The following SPTLC2 variants were observed in gnomAD, a reference collection of about 807,000 sequenced individuals.
SPTLC2 encodes serine palmitoyltransferase long chain base subunit 2.
In SPTLC2, 21 loss-of-function variants were observed where a neutral mutation model predicts 62.0. The ratio of observed to expected loss-of-function variants is 0.34; its 90% CI spans 0.24 to 0.49. The LOEUF is 0.49. SPTLC2 is among the 20% of genes least tolerant of loss of function. The pLI, the probability that SPTLC2 is intolerant of heterozygous loss-of-function variation, is 0.99. For missense variants in SPTLC2, 511 were observed against 713.0 expected, an observed-to-expected ratio of 0.72 and a Z score of 3.23; for synonymous variants, 261 against 261.8, an observed-to-expected ratio of 1.00 and a Z score of 0.03.
intron 9 of SPTLC2, among the ~76,000 whole-genome samples, chr14:77,540,939 C>T (rs1054126966): frequency 1.3e-5 from 2 of 152,112 alleles, no homozygotes; most frequent in Non-Finnish European, 2.9e-5. Context: ...TTCACAGAAC[C>T]AAAAATATGT....
intron 5 of SPTLC2, among the ~76,000 whole-genome samples, chr14:77,564,396 T>TACAC (rs1342293459): frequency 8.4e-6 from 1 of 118,802 alleles, no homozygotes; most frequent in Admixed American, 9.9e-5. Flanking sequence ...TCTTTATGCA[T>TACAC]GCATACACAC....
In SPTLC2 at chr14:77,614,382, C is replaced by T. The variant is rs571825170; in HGVS notation, c.132+2066G>A. ...CCTTTTTCATTTTAAAAAATCATAC[C>T]GGCCAGGTGCAGTGGCTCACACCCG... On this transcript the variant is annotated intron_variant, in intron 1 of 11. Transcript: ENST00000216484. Among the ~76,000 whole-genome samples the T allele has an allele frequency of 5.3e-5, 8 of 151,002 alleles. No individual in the cohort carries two copies. In the East Asian group the frequency reaches 9.7e-4, roughly 18 times the overall value.
At chr14:77,525,738 G>A (rs548188350) in intron 9 of SPTLC2, among the ~76,000 whole-genome samples, 196 of 152,046 alleles carry the variant, frequency 1.3e-3, no homozygotes, top group African/African-American at 4.4e-3. Context: ...GTGAAACCCC[G>A]TCTCTACTAA....
At chr14:77,547,347 A>C (rs1714704993) in intron 9 of SPTLC2, among the ~76,000 whole-genome samples, 1 of 152,158 alleles carries the variant, frequency 6.6e-6, no homozygotes, top group African/African-American at 2.4e-5. Context: ...ATAGTGAAAT[A>C]AATTACTTTA....
intron 1 of SPTLC2, among the ~76,000 whole-genome samples, chr14:77,606,296 C>A (rs2079904735): frequency 6.6e-6 from 1 of 152,228 alleles, no homozygotes; most frequent in African/African-American, 2.4e-5. Context: ...CGTGCCACTG[C>A]ACTCCAGCCT....
rs1270890865 is a variant in SPTLC2, at chr14:77,511,538, AG to A, written c.*745del. ...TCTGAAAACAGTAAGTGCTTTAAAA[AG>A]GGGGTGGGACGTGTTACGGTTAGAG... On this transcript the variant is annotated 3_prime_UTR_variant, in exon 12 of 12. Transcript: ENST00000216484. The A allele has an allele frequency of 2.6e-5, 4 of 153,004 alleles. No individual in the cohort carries two copies. The highest frequency in any genetic ancestry group is 5.8e-5 in the Non-Finnish European group (4 of 68,686). The allele number at this position is 153,004 out of a possible 1,614,324, so 9.5% of individuals were successfully genotyped here. A position where few individuals can be genotyped will look rare whatever the true frequency, so the allele number is the denominator to read the frequency against.
chr14:77,580,582 G>T (rs1221093639), intron 2 of SPTLC2, among the ~76,000 whole-genome samples: 1 of 145,794 alleles, frequency 6.9e-6, no homozygotes, highest in Admixed American at 6.9e-5. Flanking sequence ...AAGAGGCCAG[G>T]TACAATGGTT....
chr14:77,530,854 T>C (rs1400517636), intron 9 of SPTLC2, among the ~76,000 whole-genome samples: 1 of 152,194 alleles, frequency 6.6e-6, no homozygotes, highest in Non-Finnish European at 1.5e-5. Context: ...AAAGGGAATG[T>C]TAAGTATTTA....
At chr14:77,566,333 T>G (rs1207363191) in intron 5 of SPTLC2, among the ~76,000 whole-genome samples, 1 of 152,218 alleles carries the variant, frequency 6.6e-6, no homozygotes, top group Non-Finnish European at 1.5e-5. Context: ...GTTTCAGGTA[T>G]CATGTTAAAA....
chr14:77,512,430 T>TC, intron 11 of SPTLC2, 27 bp from the exon 12 acceptor site: 1 of 1,614,110 alleles, frequency 6.2e-7, no homozygotes, highest in Non-Finnish European at 8.5e-7. Context: ...AAAGTAGAGG[T>TC]CTGTCAGAGC....
intron 11 of SPTLC2, among the ~76,000 whole-genome samples, chr14:77,515,201 A>C (rs1190664727): frequency 1.3e-5 from 2 of 152,180 alleles, no homozygotes; most frequent in African/African-American, 2.4e-5. Flanking sequence ...AAAATTAAGA[A>C]GTGTGAGTCC....
At chr14:77,556,940 T>A in intron 7 of SPTLC2, 101 bp downstream of exon 7, 1 of 910,528 alleles carries the variant, frequency 1.1e-6, no homozygotes, top group Non-Finnish European at 1.8e-6. Context: ...CACTGTCTCC[T>A]TAGTTTCCAG....
intron 2 of SPTLC2, among the ~76,000 whole-genome samples, chr14:77,595,628 T>C (rs1480015753): frequency 6.6e-6 from 1 of 152,214 alleles, no homozygotes; most frequent in African/African-American, 2.4e-5. Flanking sequence ...TTTGAATCCA[T>C]GTATCTACTG....
intron 1 of SPTLC2, among the ~76,000 whole-genome samples, chr14:77,602,087 G>A (rs1005629596): frequency 2.0e-5 from 3 of 147,356 alleles, no homozygotes; most frequent in East Asian, 2.1e-4. Context: ...CCCCTTCTCC[G>A]TGTCTCTACC....
At chr14:77,596,137 A>G (rs2079845714) in intron 2 of SPTLC2, among the ~76,000 whole-genome samples, 1 of 152,226 alleles carries the variant, frequency 6.6e-6, no homozygotes, top group East Asian at 1.9e-4. Context: ...GGAGATTGAG[A>G]CCATCCTGGC....
At chr14:77,566,754 C>A (rs908369749) in intron 5 of SPTLC2, among the ~76,000 whole-genome samples, 3 of 152,094 alleles carry the variant, frequency 2.0e-5, no homozygotes, top group Non-Finnish European at 4.4e-5. Flanking sequence ...GCCACCGCGC[C>A]CGGCCACAAA....
intron 5 of SPTLC2, among the ~76,000 whole-genome samples, chr14:77,565,489 CAT>C (rs1402562012): frequency 6.6e-6 from 1 of 152,180 alleles, no homozygotes; most frequent in Non-Finnish European, 1.5e-5. Flanking sequence ...ATCAAAACCA[CAT>C]AGTCTCTCGC....
chr14:77,597,484 T>C (rs1271234266), intron 1 of SPTLC2, 104 bp from the exon 2 acceptor site: 1 of 1,036,902 alleles, frequency 9.6e-7, no homozygotes, highest in East Asian at 2.7e-5. Context: ...TTAAGAATTT[T>C]CTAAGTTCCG....
intron 2 of SPTLC2, among the ~76,000 whole-genome samples, chr14:77,585,874 C>T (rs1004257834): frequency 1.3e-5 from 2 of 152,054 alleles, no homozygotes; most frequent in African/African-American, 4.8e-5. Context: ...AAAAATGACC[C>T]GACCTAAACC....
Sources: gnomAD v4.1 joint callset for allele counts (sites outside exome capture counted in the v4.1 genomes callset) on GRCh38, gnomAD v4.1.1 for gene constraint, MANE v1.5 for transcripts, NCBI Gene and HGNC (gene_info 2026-07-23, HGNC 2026-07-21) for gene names.